The following POLQ variants were observed in gnomAD, a reference collection of about 807,000 sequenced individuals.
The protein encoded by POLQ is DNA polymerase theta.
In POLQ, 233 loss-of-function variants were observed where a neutral mutation model predicts 259.2. That is an observed-to-expected ratio of 0.90 (90% CI 0.81 to 1.00). The LOEUF (loss-of-function observed/expected upper bound fraction) is 1.00, where lower values mean the gene tolerates loss of function less well. Ranked by LOEUF, POLQ falls within the 50% of genes least tolerant of loss-of-function variation. The pLI is 0.00. For synonymous variants in POLQ, 1,025 were observed against 1,048.8 expected (o/e 0.98, Z 0.44); for missense variants, 2,871 against 3,051.6 (o/e 0.94, Z 1.39).
At chr3:121,490,470 T>C in intron 15 of POLQ, 62 bp from the exon 16 acceptor site, 2 of 1,340,788 alleles carry the variant, frequency 1.5e-6, no homozygotes, top group South Asian at 1.3e-5. Context: ...AAGTATTTAT[T>C]AAACATGCAA....
intron 5 of POLQ, among the ~76,000 whole-genome samples, chr3:121,533,894 G>A (rs915764754): frequency 2.7e-5 from 4 of 146,860 alleles, no homozygotes; most frequent in African/African-American, 1.0e-4. Flanking sequence ...TATGAACCAT[G>A]TGGATACCCT....
At chr3:121,452,085 T>G (rs1410923903) in intron 25 of POLQ, among the ~76,000 whole-genome samples, 1 of 152,170 alleles carries the variant, frequency 6.6e-6, no homozygotes, top group Non-Finnish European at 1.5e-5. Flanking sequence ...AGCCTCCGAG[T>G]CATGCACAGG....
At chr3:121,506,549 T>A (rs1422809802) in intron 12 of POLQ, among the ~76,000 whole-genome samples, 1 of 152,178 alleles carries the variant, frequency 6.6e-6, no homozygotes, top group Admixed American at 6.5e-5. Flanking sequence ...AAACTAAAAC[T>A]ACACTCAAAA....
chr3:121,442,913 G>A (rs13076688), intron 26 of POLQ, among the ~76,000 whole-genome samples: 96,077 of 152,030 alleles, frequency 0.63, 30,741 homozygotes, highest in East Asian at 0.89. Context: ...AGGCTGGAGT[G>A]CAGTGGCGTG....
At chr3:121,465,482 T>C (rs192399053) in intron 24 of POLQ, among the ~76,000 whole-genome samples, 13 of 152,358 alleles carry the variant, frequency 8.5e-5, no homozygotes, top group Middle Eastern at 3.4e-3. Flanking sequence ...TACCTTGCTT[T>C]ATTGGACTTG....
chr3:121,479,595 A>T (rs2047955352), intron 19 of POLQ, among the ~76,000 whole-genome samples: 1 of 151,948 alleles, frequency 6.6e-6, no homozygotes, highest in Admixed American at 6.6e-5. Flanking sequence ...CTGGGATTAC[A>T]GGTGCATGCA....
intron 25 of POLQ, 141 bp downstream of exon 25, chr3:121,459,909 G>A: frequency 3.0e-6 from 2 of 656,184 alleles, no homozygotes; most frequent in Non-Finnish European, 5.4e-6. Context: ...AATACCATGA[G>A]ATAAGCTCAG....
chr3:121,516,541 T>C (rs930749940), intron 9 of POLQ, among the ~76,000 whole-genome samples: 10 of 152,186 alleles, frequency 6.6e-5, no homozygotes, highest in African/African-American at 2.2e-4. Context: ...CAACCACCTG[T>C]CTAGGGAGGA....
chr3:121,502,135 A>G lies in POLQ; in HGVS notation c.1960-3465T>C, dbSNP rs535233571. Reference sequence around the variant, plus strand: ...GTACATATAAAAACAGTATCATTACATATTTCTCTTTTCTTCTCCTGACTG... The same window carrying G: ...GTACATATAAAAACAGTATCATTACGTATTTCTCTTTTCTTCTCCTGACTG... On this transcript the variant is annotated intron_variant, in intron 12 of 29. Transcript: ENST00000264233. Among the ~76,000 whole-genome samples, 4 of 152,362 alleles carry G rather than the reference A, an allele frequency of 2.6e-5. No individual in the cohort carries two copies. The East Asian group carries it at 7.7e-4, about 29-fold the overall frequency.
Position 121,529,691 on chromosome 3 carries a change from T to C in POLQ, c.1062A>G (p.Ala354=). ...CPSKKWCEKL[A]DIIAREFYNL... is the part of the protein sequence containing the mutation. ...TATAAAACTCTCGAGCAATGATATC[T>C]GCCAGCTTCTCACACCATTTCTTTG... Residue 354 remains alanine (A), a synonymous_variant, in exon 7 of 30, where the codon GCA becomes GCG. Coordinates refer to ENST00000264233, the MANE Select transcript of POLQ (RefSeq NM_199420.4). 2 of 1,613,428 alleles carry C rather than the reference T, an allele frequency of 1.2e-6. No individual in the cohort carries two copies. The highest frequency in any genetic ancestry group is 8.5e-7 in the Non-Finnish European group (1 of 1,179,544).
chr3:121,459,841 G>T (rs1438724462), intron 25 of POLQ, among the ~76,000 whole-genome samples: 1 of 152,100 alleles, frequency 6.6e-6, no homozygotes, highest in African/African-American at 2.4e-5. Context: ...ACACGAAGTA[G>T]CCTCAGATCT....
At chr3:121,510,663 A>T (rs2048248469) in intron 10 of POLQ, among the ~76,000 whole-genome samples, 2 of 152,150 alleles carry the variant, frequency 1.3e-5, no homozygotes. Context: ...TCATTTTTTT[A>T]AATGTTCTTA....
intron 26 of POLQ, among the ~76,000 whole-genome samples, chr3:121,444,954 G>A (rs1307946338): frequency 6.6e-6 from 1 of 152,096 alleles, no homozygotes; most frequent in Non-Finnish European, 1.5e-5. Flanking sequence ...AATCCCACTT[G>A]GTCATGATGA....
At chr3:121,436,011 A>C in intron 28 of POLQ, 111 bp downstream of exon 28, 2 of 901,154 alleles carry the variant, frequency 2.2e-6, no homozygotes, top group Non-Finnish European at 3.4e-6. Context: ...ACATCATGAG[A>C]CCAAAACATT....
intron 2 of POLQ, among the ~76,000 whole-genome samples, chr3:121,542,142 GAA>G (rs770847564): frequency 4.1e-5 from 5 of 122,392 alleles, no homozygotes; most frequent in African/African-American, 3.0e-5. Flanking sequence ...TCTCAAAAAG[GAA>G]AAAAAAAAAA....
At chr3:121,532,961 A>G (rs1434652454) in intron 6 of POLQ, 29 bp downstream of exon 6, 2 of 1,321,586 alleles carry the variant, frequency 1.5e-6, no homozygotes. Context: ...ACAGATAAAA[A>G]TAGTAGTGAT....
chr3:121,475,140 T>G (rs1437834608), intron 20 of POLQ, among the ~76,000 whole-genome samples: 1 of 152,162 alleles, frequency 6.6e-6, no homozygotes, highest in Admixed American at 6.5e-5. Flanking sequence ...CTTTGTACCC[T>G]TTGATAAACA....
At chr3:121,499,707 T>C (rs538718654) in intron 12 of POLQ, among the ~76,000 whole-genome samples, 2 of 152,166 alleles carry the variant, frequency 1.3e-5, no homozygotes, top group East Asian at 3.9e-4. Flanking sequence ...TTACCCAAAA[T>C]GTCAAGATTC....
Position 121,487,737 on chromosome 3 carries a change from T to C in POLQ, c.5194A>G (p.Asn1732Asp). The change falls in exon 16 of 30, where the codon AAT becomes GAT. Residue 1732 changes from asparagine to aspartate, a missense_variant. Physicochemically the swap from Asn to Asp is conservative, Grantham distance 23. Transcript: ENST00000264233. Reference protein sequence around the residue: ...PRKESNIVDDNGLIPPTPIPT... With the variant: ...PRKESNIVDDDGLIPPTPIPT... ...ATGGGTGTAGGAGGAATGAGACCAT[T>C]ATCATCAACTATATTACTTTCTTTA... is the stretch of plus-strand genomic sequence containing the variant. The C allele has an allele frequency of 6.2e-7, 1 of 1,613,500 alleles. No individual in the cohort carries two copies. Among genetic ancestry groups the C allele is most frequent in the Non-Finnish European group, 8.5e-7 (1 of 1,179,554 alleles).
Sources: gnomAD v4.1 joint callset for allele counts (sites outside exome capture counted in the v4.1 genomes callset) on GRCh38, gnomAD v4.1.1 for gene constraint, MANE v1.5 for transcripts, NCBI Gene and HGNC (gene_info 2026-07-23, HGNC 2026-07-21) for gene names.